Variants in CCSER1 observed in about 807,000 individuals in gnomAD.
CCSER1 encodes serine-rich coiled-coil domain-containing protein 1.
In CCSER1, 41 loss-of-function variants were observed where a neutral mutation model predicts 82.0. That is an observed-to-expected ratio of 0.50 (90% CI 0.39 to 0.65). CCSER1 has a LOEUF of 0.65. CCSER1 is among the 30% of genes least tolerant of loss of function. CCSER1 has a pLI of 0.00. For synonymous variants in CCSER1, 414 were observed against 383.9 expected, an observed-to-expected ratio of 1.08 and a Z score of -0.92; for missense variants, 1,119 against 1,064.2, an observed-to-expected ratio of 1.05 and a Z score of -0.72.
At chr4:91,002,666 A>C (rs1471425696) in intron 9 of CCSER1, among the ~76,000 whole-genome samples, 2 of 151,924 alleles carry the variant, frequency 1.3e-5, no homozygotes, top group East Asian at 1.9e-4. Context: ...ATCTTTTTTA[A>C]AATTTTCTTA....
chr4:90,973,992 A>G (rs999370704), intron 9 of CCSER1, among the ~76,000 whole-genome samples: 1 of 151,486 alleles, frequency 6.6e-6, no homozygotes, highest in African/African-American at 2.4e-5. Context: ...TCTCACTCAT[A>G]TGGAAAATCT....
At chr4:90,506,779 A>G (rs1770760574) in intron 5 of CCSER1, among the ~76,000 whole-genome samples, 1 of 151,846 alleles carries the variant, frequency 6.6e-6, no homozygotes. Flanking sequence ...AAAAAAAAAA[A>G]TAAATAAATA....
chr4:91,317,976 G>T (rs1745945778), intron 10 of CCSER1, among the ~76,000 whole-genome samples: 1 of 151,930 alleles, frequency 6.6e-6, no homozygotes, highest in South Asian at 2.1e-4. Context: ...TAATGAGATG[G>T]TCCTCATTTC....
intron 4 of CCSER1, among the ~76,000 whole-genome samples, chr4:90,403,424 G>A (rs1269768694): frequency 1.8e-4 from 27 of 148,974 alleles, no homozygotes; most frequent in African/African-American, 3.2e-4. Context: ...GCGTGAACCC[G>A]GGAGGCGGAG....
chr4:90,330,466 C>T (rs1739073623), intron 3 of CCSER1, among the ~76,000 whole-genome samples: 3 of 152,094 alleles, frequency 2.0e-5, no homozygotes, highest in Non-Finnish European at 4.4e-5. Context: ...ATCTTTCTCT[C>T]TTTTATTTTT....
At chr4:90,415,060 G>A (rs572493760) in intron 4 of CCSER1, among the ~76,000 whole-genome samples, 2 of 152,190 alleles carry the variant, frequency 1.3e-5, no homozygotes, top group Admixed American at 6.5e-5. Flanking sequence ...GTGTTATGAC[G>A]GTGAATTGAA....
chr4:90,339,814 C>T (rs1342968855), intron 3 of CCSER1, among the ~76,000 whole-genome samples: 1 of 151,840 alleles, frequency 6.6e-6, no homozygotes, highest in Non-Finnish European at 1.5e-5. Context: ...ATATTTATCA[C>T]TATTTTACAT....
In CCSER1 at chr4:90,555,515, C is replaced by T. The variant is rs149769242; in HGVS notation, c.1725-72510C>T. ...ATTTGTGATTAAATTCCTATAAGAA[C>T]TTGTTTGATATGAGATTGTGCTCTT... On this transcript the variant is annotated intron_variant, in intron 5 of 10. Coordinates refer to ENST00000509176, the MANE Select transcript of CCSER1 (RefSeq NM_001145065.2). Among the ~76,000 whole-genome samples, 129 of 152,090 alleles carry T rather than the reference C, an allele frequency of 8.5e-4. 2 individuals carry two copies. In the East Asian group the frequency reaches 0.016, roughly 19 times the overall value.
At position 90,417,962 on chromosome 4, in the gene CCSER1, A is replaced by T. The variant is rs1756066608; in HGVS notation, c.1603+17833A>T. On this transcript the variant is annotated intron_variant, in intron 4 of 10. Coordinates refer to ENST00000509176, the MANE Select transcript of CCSER1 (RefSeq NM_001145065.2). ...TGGTCAGAAAAAGTGTGTCTAAAGT[A>T]TTTTTAATCTGATTATATAAAACTA... Among the ~76,000 whole-genome samples the T allele has an allele frequency of 3.9e-5, 6 of 152,252 alleles. No homozygotes were observed. In the South Asian group the frequency reaches 1.2e-3, roughly 32 times the overall value.
intron 10 of CCSER1, among the ~76,000 whole-genome samples, chr4:91,201,753 C>T (rs1423599168): frequency 6.6e-6 from 1 of 151,910 alleles, no homozygotes; most frequent in Non-Finnish European, 1.5e-5. Flanking sequence ...GTATTGTTGA[C>T]TGGTATAAGT....
At chr4:91,076,714 C>A (rs1722033298) in intron 9 of CCSER1, among the ~76,000 whole-genome samples, 1 of 152,102 alleles carries the variant, frequency 6.6e-6, no homozygotes, top group African/African-American at 2.4e-5. Context: ...GCTTTCATTG[C>A]TAGAAAACTG....
At chr4:90,357,426 A>G (rs1242637871) in intron 3 of CCSER1, among the ~76,000 whole-genome samples, 1 of 151,850 alleles carries the variant, frequency 6.6e-6, no homozygotes, top group African/African-American at 2.4e-5. Context: ...GAATTATGAG[A>G]GACTTATTTT....
chr4:91,103,548 A>G (rs1273924263), intron 10 of CCSER1, among the ~76,000 whole-genome samples: 1 of 152,188 alleles, frequency 6.6e-6, no homozygotes. Flanking sequence ...GGGACCCCGA[A>G]TGGAGGGACT....
chr4:90,324,325 G>A (rs1737719170), intron 3 of CCSER1, among the ~76,000 whole-genome samples: 1 of 150,426 alleles, frequency 6.6e-6, no homozygotes, highest in Admixed American at 6.6e-5. Flanking sequence ...ATCCTCTCCA[G>A]CACCTGTTGT....
At chr4:90,945,289 T>G (rs1732097630) in intron 9 of CCSER1, among the ~76,000 whole-genome samples, 1 of 152,194 alleles carries the variant, frequency 6.6e-6, no homozygotes, top group African/African-American at 2.4e-5. Context: ...TTAAAATTAT[T>G]TTTTCATTTG....
intron 4 of CCSER1, among the ~76,000 whole-genome samples, chr4:90,428,305 A>G (rs1425865569): frequency 1.3e-5 from 2 of 151,854 alleles, no homozygotes; most frequent in Non-Finnish European, 2.9e-5. Flanking sequence ...GATGCATTTA[A>G]TAAGTAACAG....
intron 6 of CCSER1, among the ~76,000 whole-genome samples, chr4:90,717,641 T>C (rs1278128289): frequency 6.6e-6 from 1 of 152,012 alleles, no homozygotes; most frequent in Non-Finnish European, 1.5e-5. Context: ...AGTCCAGGCC[T>C]CTTGGCTTCT....
intron 9 of CCSER1, among the ~76,000 whole-genome samples, chr4:90,995,518 A>C (rs1054334752): frequency 1.3e-5 from 2 of 152,128 alleles, no homozygotes; most frequent in Non-Finnish European, 2.9e-5. Context: ...TATATAATTT[A>C]AAGTTTTGTA....
intron 5 of CCSER1, among the ~76,000 whole-genome samples, chr4:90,605,825 C>G (rs1465512809): frequency 2.0e-5 from 3 of 151,488 alleles, no homozygotes; most frequent in Non-Finnish European, 4.4e-5. Flanking sequence ...TATTTTTTTT[C>G]AAAATGTTAA....
Sources: allele counts gnomAD v4.1 joint callset (sites outside exome capture counted in the v4.1 genomes callset), GRCh38; gene constraint gnomAD v4.1.1; transcripts MANE v1.5; gene names NCBI Gene and HGNC (gene_info 2026-07-23, HGNC 2026-07-21).